The following WDR1 variants were observed in gnomAD, a reference collection of about 807,000 sequenced individuals.
WDR1 encodes the protein WD repeat-containing protein 1.
In WDR1, 21 loss-of-function variants were observed where a neutral mutation model predicts 71.9. That is an observed-to-expected ratio of 0.29 (90% CI 0.21 to 0.42). The LOEUF (loss-of-function observed/expected upper bound fraction) is 0.42, where lower values mean the gene tolerates loss of function less well. Among genes scored for constraint, WDR1 ranks in the 10% least tolerant of loss-of-function variants. The pLI is 1.00. For missense variants in WDR1, 696 were observed against 824.5 expected, an observed-to-expected ratio of 0.84 and a Z score of 1.91; for synonymous variants, 424 against 347.4, an observed-to-expected ratio of 1.22 and a Z score of -2.45.
Position 10,102,535 on chromosome 4 carries a change from C to T in WDR1, c.229+1361G>A, listed in dbSNP as rs556199575. Reference sequence around the variant, plus strand: ...TGCCATGGACTGACACAGCAAAAGGCCCTTGACAGATACCGGCCCCTGCTG... The same window carrying T: ...TGCCATGGACTGACACAGCAAAAGGTCCTTGACAGATACCGGCCCCTGCTG... On this transcript the variant is annotated intron_variant, in intron 3 of 14. Transcript: ENST00000499869. Among the ~76,000 whole-genome samples the T allele has an allele frequency of 2.6e-4, 39 of 152,336 alleles. No homozygotes were observed. In the South Asian group the frequency reaches 7.5e-3, roughly 29 times the overall value.
At chr4:10,088,611 C>T (rs1468990779) in intron 6 of WDR1, 53 bp downstream of exon 6, 16 of 1,470,282 alleles carry the variant, frequency 1.1e-5, no homozygotes, top group Admixed American at 7.6e-5. Flanking sequence ...TGAGCAGTCA[C>T]GGGAGCAGGC....
At chr4:10,076,881 C>G (rs2109630721) in intron 14 of WDR1, 1 of 172,626 alleles carries the variant, frequency 5.8e-6, no homozygotes, top group South Asian at 1.4e-4. Context: ...ACATGCGGGG[C>G]TAAATAAAAC....
intron 9 of WDR1, 28 bp downstream of exon 9, chr4:10,084,415 G>A (rs770057400): frequency 6.1e-5 from 98 of 1,606,016 alleles, no homozygotes; most frequent in East Asian, 5.2e-4. Context: ...CAGCGGCTCC[G>A]GAGCCAGCTC....
chr4:10,099,214 T>C (rs1337442104), intron 3 of WDR1, 75 bp from the exon 4 acceptor site: 1 of 1,338,650 alleles, frequency 7.5e-7, no homozygotes, highest in Non-Finnish European at 1.0e-6. Context: ...CACAGGTCAC[T>C]GCCGGGCCAG....
chr4:10,086,547 G>C (rs998923011), intron 8 of WDR1, among the ~76,000 whole-genome samples: 2 of 150,864 alleles, frequency 1.3e-5, no homozygotes, highest in Non-Finnish European at 3.0e-5. Context: ...CCTCCTAGAA[G>C]CCGTGGTGTG....
chr4:10,078,641 CCA>C (rs1764888898), intron 12 of WDR1: 4 of 436,828 alleles, frequency 9.2e-6, no homozygotes, highest in East Asian at 4.5e-5. Flanking sequence ...ACCTCACTGT[CCA>C]CAGTCTTGTG....
At chr4:10,078,577 C>A in intron 12 of WDR1, 1 of 259,692 alleles carries the variant, frequency 3.9e-6, no homozygotes, top group Non-Finnish European at 7.4e-6. Flanking sequence ...CCTCCTGCCG[C>A]CACTCATGGG....
intron 2 of WDR1, among the ~76,000 whole-genome samples, chr4:10,112,538 C>G (rs1020726451): frequency 3.9e-5 from 6 of 152,138 alleles, no homozygotes; most frequent in African/African-American, 1.4e-4. Context: ...CACCCTTTTT[C>G]TACAAGTTTA....
chr4:10,102,586 C>T (rs1276370442), intron 3 of WDR1, among the ~76,000 whole-genome samples: 2 of 152,202 alleles, frequency 1.3e-5, no homozygotes, highest in Non-Finnish European at 2.9e-5. Flanking sequence ...TGTCCAACTG[C>T]CCAGCCCCAA....
At chr4:10,105,585 A>C (rs1488349085) in intron 2 of WDR1, among the ~76,000 whole-genome samples, 1 of 152,146 alleles carries the variant, frequency 6.6e-6, no homozygotes, top group Non-Finnish European at 1.5e-5. Context: ...CTCCATACTC[A>C]CTAGAATCAA....
At chr4:10,109,428 A>G (rs1436708150) in intron 2 of WDR1, among the ~76,000 whole-genome samples, 1 of 152,176 alleles carries the variant, frequency 6.6e-6, no homozygotes. Flanking sequence ...GTTGGTCTCA[A>G]TGTTAGTGTG....
At chr4:10,103,318 A>G (rs2109688084) in intron 3 of WDR1, among the ~76,000 whole-genome samples, 1 of 146,670 alleles carries the variant, frequency 6.8e-6, no homozygotes, top group East Asian at 2.1e-4. Flanking sequence ...ACACACACAC[A>G]CACACGGCCC....
intron 1 of WDR1, 141 bp from the exon 2 acceptor site, chr4:10,116,375 C>T (rs1181600512): frequency 4.7e-6 from 6 of 1,287,876 alleles, no homozygotes; most frequent in Middle Eastern, 5.5e-4. Flanking sequence ...CCACGAGCGC[C>T]AGGAACCGCG....
intron 2 of WDR1, among the ~76,000 whole-genome samples, chr4:10,114,093 T>G (rs191920932): frequency 6.6e-6 from 1 of 152,170 alleles, no homozygotes; most frequent in Non-Finnish European, 1.5e-5. Flanking sequence ...CCACCTTTAC[T>G]TGAGTACCCA....
At chr4:10,114,241 G>A (rs143955860) in intron 2 of WDR1, among the ~76,000 whole-genome samples, 9 of 152,316 alleles carry the variant, frequency 5.9e-5, no homozygotes, top group Admixed American at 1.3e-4. Flanking sequence ...GGTAACCCCT[G>A]AGAAGAAAAT....
At chr4:10,107,429 G>T (rs984932305) in intron 2 of WDR1, among the ~76,000 whole-genome samples, 2 of 152,066 alleles carry the variant, frequency 1.3e-5, no homozygotes, top group African/African-American at 4.8e-5. Context: ...TTCAAATCCC[G>T]ACCCTGATTA....
At chr4:10,087,595 G>C in intron 8 of WDR1, 112 bp downstream of exon 8, 1 of 1,057,754 alleles carries the variant, frequency 9.5e-7, no homozygotes. Flanking sequence ...GAGGCCTGAG[G>C]ACACCTCTCT....
In WDR1 at chr4:10,088,038, A is replaced by T. The variant is rs1028662432; in HGVS notation, c.718-98T>A. ...TCCACTGCGACTGTTTGAGTAGGAC[A>T]GAAGGAGCCCAGAGAGAGGGTGGGA... On this transcript the variant is annotated intron_variant, in intron 7 of 14. Coordinates refer to ENST00000499869, the MANE Select transcript of WDR1 (RefSeq NM_017491.5). 6 of 1,210,216 alleles carry T rather than the reference A, an allele frequency of 5.0e-6. No individual in the cohort carries two copies. In the East Asian group the frequency reaches 1.5e-4, roughly 31 times the overall value. The allele number at this position is 1,210,216 out of a possible 1,614,324, so 75.0% of individuals were successfully genotyped here.
chr4:10,113,120 C>CA (rs1282898071), intron 2 of WDR1, among the ~76,000 whole-genome samples: 1 of 152,178 alleles, frequency 6.6e-6, no homozygotes, highest in Non-Finnish European at 1.5e-5. Flanking sequence ...TTTGGGAGGC[C>CA]AAGGCGAGCG....
Sources: gnomAD v4.1 joint callset for allele counts (sites outside exome capture counted in the v4.1 genomes callset) on GRCh38, gnomAD v4.1.1 for gene constraint, MANE v1.5 for transcripts, NCBI Gene and HGNC (gene_info 2026-07-23, HGNC 2026-07-21) for gene names.